MTERF1: variants seen among roughly 807,000 people sequenced by gnomAD.
The protein encoded by MTERF1 is transcription termination factor 1, mitochondrial.
MTERF1 carries 29 observed loss-of-function variants against 31.6 expected under a neutral mutation model. That is an observed-to-expected ratio of 0.92 (90% CI 0.68 to 1.25). MTERF1 has a LOEUF of 1.25. Among genes scored for constraint, MTERF1 ranks in the 50% most tolerant of loss-of-function variants. The pLI, the probability that MTERF1 is intolerant of heterozygous loss-of-function variation, is 0.00. For synonymous variants in MTERF1, 152 were observed against 164.1 expected (o/e 0.93, Z 0.57); for missense variants, 500 against 469.1 (o/e 1.07, Z -0.61).
chr7:91,876,380 T>C (rs1424065151), intron 2 of MTERF1, among the ~76,000 whole-genome samples: 1 of 152,226 alleles, frequency 6.6e-6, no homozygotes, highest in Non-Finnish European at 1.5e-5. Context: ...GATTTCTAAT[T>C]ACTTACAATG....
intron 1 of MTERF1, chr7:91,880,427 G>C (rs1789476056): frequency 4.9e-6 from 1 of 202,740 alleles, no homozygotes; most frequent in South Asian, 1.0e-4. Flanking sequence ...ATCTGAAACA[G>C]CGCCGAGCTC....
rs569003975 is a variant in MTERF1 at position 91,878,383 on chromosome 7, G to T, written c.29+1672C>A. 8.5e-5 allele frequency among the ~76,000 whole-genome samples: 13 copies of T among 152,284 alleles called. No individual in the cohort carries two copies. The South Asian group carries it at 2.5e-3, about 29-fold the overall frequency. ...ACATGTGTGGTCTCAGCTAAACTTA[G>T]AAACAGTAATTAATAATATTGACTG... is the stretch of plus-strand genomic sequence containing the variant. On this transcript the variant is annotated intron_variant, in intron 2 of 2. Transcript: ENST00000351870.
rs1201266980 is a variant in MTERF1 at position 91,873,707 on chromosome 7, T to C, written c.1087A>G (p.Ile363Val). The C allele has an allele frequency of 5.0e-6, 8 of 1,614,020 alleles. No homozygotes were observed. Among genetic ancestry groups the C allele is most frequent in the Non-Finnish European group, 6.8e-6 (8 of 1,180,026 alleles). Residue 363 changes from isoleucine to valine, a missense_variant, in exon 3 of 3, where the codon ATC (isoleucine) becomes GTC (valine). By Grantham distance (29) the Ile-to-Val change is conservative. Transcript: ENST00000351870. ...CAGCCAGCATTTACCAATTCTTTGATTCGACTTTTTAAAGTACTTATGCTT... is the reference window on the plus strand; with the variant it reads ...CAGCCAGCATTTACCAATTCTTTGACTCGACTTTTTAAAGTACTTATGCTT... ...DSSISTLKSR[I>V]KELVNAGCNL...
intron 2 of MTERF1, among the ~76,000 whole-genome samples, chr7:91,879,783 T>C (rs767272277): frequency 2.6e-5 from 4 of 152,274 alleles, no homozygotes; most frequent in African/African-American, 7.2e-5. Context: ...TATTCAAAAA[T>C]TGACTTCGAT....
Position 91,872,622 on chromosome 7 carries a change from C to T in MTERF1, c.*972G>A, listed in dbSNP as rs1789208231. 1 of 152,114 alleles carries T rather than the reference C, an allele frequency of 6.6e-6. No individual in the cohort carries two copies. The highest frequency in any genetic ancestry group is 1.5e-5 in the Non-Finnish European group (1 of 68,022). 9.4% of individuals were successfully genotyped at this position (152,114 alleles called of 1,614,324 possible). A position where few individuals can be genotyped will look rare whatever the true frequency, so the allele number is the denominator to read the frequency against. ...AGGTTTTTTGAAGTATCACTGATAGCAAATGAGGTTTAAAAGGTTGAGCAC... is the reference window on the plus strand; with the variant it reads ...AGGTTTTTTGAAGTATCACTGATAGTAAATGAGGTTTAAAAGGTTGAGCAC... On this transcript the variant is annotated 3_prime_UTR_variant, in exon 3 of 3. Coordinates refer to ENST00000351870, the MANE Select transcript of MTERF1 (RefSeq NM_006980.5).
intron 2 of MTERF1, 149 bp from the exon 3 acceptor site, chr7:91,874,913 T>C: frequency 1.8e-6 from 1 of 560,816 alleles, no homozygotes; most frequent in South Asian, 3.0e-5. Context: ...ATTCAGCCAC[T>C]GCTGAATTAT....
In MTERF1 at chr7:91,871,424, C is replaced by T. The variant is rs895213531; in HGVS notation, c.*2170G>A. ...CCAAAACAATACCTCAGAAAACACT[C>T]GCGTACAATTCAGAAGACTTAAGAA... On this transcript the variant is annotated 3_prime_UTR_variant, in exon 3 of 3. Coordinates refer to ENST00000351870, the MANE Select transcript of MTERF1 (RefSeq NM_006980.5). 6.6e-6 allele frequency: 1 copy of T among 152,164 alleles called. No individual in the cohort carries two copies. Among genetic ancestry groups the T allele is most frequent in the South Asian group, 2.1e-4 (1 of 4,824 alleles). 9.4% of individuals were successfully genotyped at this position (152,164 alleles called of 1,614,324 possible).
chr7:91,874,698 G>C lies in MTERF1; in HGVS notation c.96C>G (p.Asn32Lys). The change falls in exon 3 of 3, where the codon AAC becomes AAG. Residue 32 changes from asparagine (N) to lysine (K), a missense_variant. Coordinates refer to ENST00000351870, the MANE Select transcript of MTERF1 (RefSeq NM_006980.5). The part of the protein sequence containing the change: ...APGNLWHMRN[N>K]FLFGSRCWMT... ...TCCAACATCTTGAACCAAAGAGAAA[G>C]TTATTTCTCATATGCCAGAGGTTTC... 6.2e-7 allele frequency: 1 copy of C among 1,614,026 alleles called. No individual in the cohort carries two copies. Among genetic ancestry groups the C allele is most frequent in the African/African-American group, 1.3e-5 (1 of 75,048 alleles).
chr7:91,873,193 C>G lies in MTERF1; in HGVS notation c.*401G>C, dbSNP rs1423777341. 1 of 158,900 alleles carries G rather than the reference C, an allele frequency of 6.3e-6. No homozygotes were observed. Among genetic ancestry groups the G allele is most frequent in the Non-Finnish European group, 1.4e-5 (1 of 72,724 alleles). The allele number at this position is 158,900 out of a possible 1,614,324, so 9.8% of individuals were successfully genotyped here. A position where few individuals can be genotyped will look rare whatever the true frequency, so the allele number is the denominator to read the frequency against. On this transcript the variant is annotated 3_prime_UTR_variant, in exon 3 of 3. Transcript: ENST00000351870. ...TTTACCATCTTATGGTTCTGTGGGT[C>G]AGAAGTTTGACATTGATCTCACTGG...
intron 2 of MTERF1, 35 bp downstream of exon 2, chr7:91,880,020 A>G: frequency 6.2e-7 from 1 of 1,612,632 alleles, no homozygotes; most frequent in Non-Finnish European, 8.5e-7. Flanking sequence ...TGATACAGCA[A>G]GCTAAGTTTG....
intron 2 of MTERF1, among the ~76,000 whole-genome samples, chr7:91,875,674 C>T (rs1037334801): frequency 1.3e-5 from 2 of 152,188 alleles, no homozygotes; most frequent in East Asian, 3.9e-4. Context: ...GGTTTTCAAA[C>T]TCTAAATCTA....
intron 2 of MTERF1, among the ~76,000 whole-genome samples, chr7:91,876,456 G>C (rs975674410): frequency 3.9e-5 from 6 of 152,172 alleles, no homozygotes; most frequent in African/African-American, 1.4e-4. Flanking sequence ...ACAGAAAATA[G>C]AGATAGATAA....
At chr7:91,876,381 A>G (rs969028695) in intron 2 of MTERF1, among the ~76,000 whole-genome samples, 2 of 152,160 alleles carry the variant, frequency 1.3e-5, no homozygotes, top group African/African-American at 4.8e-5. Context: ...ATTTCTAATT[A>G]CTTACAATGG....
intron 2 of MTERF1, among the ~76,000 whole-genome samples, chr7:91,875,658 C>T (rs1387101621): frequency 6.6e-6 from 1 of 152,170 alleles, no homozygotes; most frequent in Non-Finnish European, 1.5e-5. Flanking sequence ...TTGCCTCTGG[C>T]CTCCTGGTTT....
chr7:91,876,049 A>G (rs912559541), intron 2 of MTERF1, among the ~76,000 whole-genome samples: 9 of 152,196 alleles, frequency 5.9e-5, no homozygotes, highest in African/African-American at 1.9e-4. Flanking sequence ...GGCTGTTTGC[A>G]TCTGTTACAC....
At chr7:91,879,547 T>C (rs1584466787) in intron 2 of MTERF1, among the ~76,000 whole-genome samples, 1 of 152,200 alleles carries the variant, frequency 6.6e-6, no homozygotes, top group Non-Finnish European at 1.5e-5. Context: ...CAAGTAAAAC[T>C]GGCCTTTGGT....
rs1372442476 is a variant in MTERF1, at chr7:91,876,898, GT to G, written c.30-2135del. On this transcript the variant is annotated intron_variant, in intron 2 of 2. Coordinates refer to ENST00000351870, the MANE Select transcript of MTERF1 (RefSeq NM_006980.5). Reference sequence around the variant, plus strand: ...TCTACCTTGCATAGTTCAACAGCCTGTTTTCTCTTCCAGATGCTCGACTGAC... The same window carrying G: ...TCTACCTTGCATAGTTCAACAGCCTGTTTCTCTTCCAGATGCTCGACTGAC... 6.1e-6 allele frequency: 6 copies of G among 985,100 alleles called. No homozygotes were observed. In the African/African-American group the frequency reaches 1.0e-4, roughly 17 times the overall value. 61.0% of individuals were successfully genotyped at this position (985,100 alleles called of 1,614,324 possible).
At chr7:91,874,875 G>A (rs1434526951) in intron 2 of MTERF1, 111 bp from the exon 3 acceptor site, 2 of 700,874 alleles carry the variant, frequency 2.9e-6, no homozygotes, top group African/African-American at 3.6e-5. Context: ...TATACCTTCA[G>A]CTCCAGCTCT....
Position 91,873,937 on chromosome 7 carries a change from T to C in MTERF1, c.857A>G (p.Asn286Ser), listed in dbSNP as rs1451202322. 4 of 1,614,024 alleles carry C rather than the reference T, an allele frequency of 2.5e-6. No individual in the cohort carries two copies. The highest frequency in any genetic ancestry group is 1.1e-5 in the South Asian group (1 of 91,076). The part of the protein sequence containing the change: ...GPGAEILDLS[N>S]DYARRSYANI... ...TGCGTAGCTTCTTCTGGCATAGTCA[T>C]TGGAAAGGTCTAGGATTTCAGCTCC... is the stretch of plus-strand genomic sequence containing the variant. Residue 286 changes from asparagine to serine, a missense_variant, in exon 3 of 3, where the codon AAT (asparagine) becomes AGT (serine). Transcript: ENST00000351870.
Sources: allele counts gnomAD v4.1 joint callset (sites outside exome capture counted in the v4.1 genomes callset), GRCh38; gene constraint gnomAD v4.1.1; transcripts MANE v1.5; gene names NCBI Gene and HGNC (gene_info 2026-07-23, HGNC 2026-07-21).